Variants in VTCN1 observed in about 807,000 individuals in gnomAD.
VTCN1 encodes the protein V-set domain-containing T-cell activation inhibitor 1.
A neutral mutation model predicts 26.5 loss-of-function variants in VTCN1; 26 were observed. That is an observed-to-expected ratio of 0.98 (90% CI 0.72 to 1.36). The LOEUF is 1.36. Among genes scored for constraint, VTCN1 ranks in the 40% most tolerant of loss-of-function variants. The probability of loss-of-function intolerance (pLI) is 0.00; values close to 1 mark genes in which losing one functional copy is unlikely to be tolerated. For synonymous variants in VTCN1, 116 were observed against 130.7 expected (o/e 0.89, Z 0.77); for missense variants, 298 against 337.7 (o/e 0.88, Z 0.92).
At chr1:117,164,178 A>G (rs1652498189) in intron 2 of VTCN1, among the ~76,000 whole-genome samples, 2 of 152,184 alleles carry the variant, frequency 1.3e-5, no homozygotes, top group African/African-American at 4.8e-5. Context: ...CAGCAGGCAA[A>G]GAGCCAGAAA....
chr1:117,199,047 G>T (rs914797019), intron 1 of VTCN1, among the ~76,000 whole-genome samples: 8 of 152,152 alleles, frequency 5.3e-5, no homozygotes, highest in Non-Finnish European at 1.2e-4. Flanking sequence ...GGTGGGAGAA[G>T]GCCCTAGATG....
chr1:117,197,025 A>C (rs1648546042), intron 1 of VTCN1, among the ~76,000 whole-genome samples: 1 of 152,168 alleles, frequency 6.6e-6, no homozygotes, highest in East Asian at 1.9e-4. Context: ...TTAAGGGTAG[A>C]AAATTGTGAA....
rs114667304 is a variant in VTCN1 at position 117,167,445 on chromosome 1, T to A, written c.97+2662A>T. 5.9e-5 allele frequency among the ~76,000 whole-genome samples: 9 copies of A among 152,210 alleles called. No homozygotes were observed. The highest frequency in any genetic ancestry group is 1.0e-4 in the Non-Finnish European group (7 of 68,036). On this transcript the variant is annotated intron_variant, in intron 2 of 5. Coordinates refer to ENST00000369458, the MANE Select transcript of VTCN1 (RefSeq NM_024626.4). This position sits in a 1 kb window ranked among gnomAD's most constrained non-coding sequence, Gnocchi z 4.1. The stretch of plus-strand genomic sequence containing the variant: ...TGCCTGTTTTTGAACTTCATATGCA[T>A]AGAATCATACAGAACTTACTCTTTT...
At position 117,146,771 on chromosome 1, in the gene VTCN1, G is replaced by A. The variant is rs1651529562; in HGVS notation, c.*45+842C>T. On this transcript the variant is annotated intron_variant, in intron 5 of 5. Transcript: ENST00000369458. The surrounding 1 kb of genome is among the most constrained non-coding windows in gnomAD (Gnocchi z 4.2). ...GCCCAGAGAGTCACTTTAGGCTCTGGAGCAAAGGAAGGCTATGATGAAATC... is the reference window on the plus strand; with the variant it reads ...GCCCAGAGAGTCACTTTAGGCTCTGAAGCAAAGGAAGGCTATGATGAAATC... Among the ~76,000 whole-genome samples the A allele has an allele frequency of 6.6e-6, 1 of 152,136 alleles. No individual in the cohort carries two copies. Among genetic ancestry groups the A allele is most frequent in the Non-Finnish European group, 1.5e-5 (1 of 68,018 alleles).
intron 1 of VTCN1, among the ~76,000 whole-genome samples, chr1:117,204,304 C>T (rs1178715560): frequency 2.6e-5 from 4 of 152,066 alleles, no homozygotes; most frequent in Non-Finnish European, 5.9e-5. Flanking sequence ...TTATTAATGC[C>T]CAATTTACTG....
At position 117,167,076 on chromosome 1, in the gene VTCN1, G is replaced by A. The variant is rs1202443028; in HGVS notation, c.97+3031C>T. ...CCACTGTACTCCAGCCTGAGCGACA[G>A]AGCAAGACTGTCTCAAAAAAAAAAA... On this transcript the variant is annotated intron_variant, in intron 2 of 5. Coordinates refer to ENST00000369458, the MANE Select transcript of VTCN1 (RefSeq NM_024626.4). The surrounding 1 kb of genome is among the most constrained non-coding windows in gnomAD (Gnocchi z 4.1). Among the ~76,000 whole-genome samples, 3 of 140,070 alleles carry A rather than the reference G, an allele frequency of 2.1e-5. No homozygotes were observed. In the East Asian group the frequency reaches 5.9e-4, roughly 28 times the overall value. 91.9% of individuals were successfully genotyped at this position (140,070 alleles called of 152,430 possible).
At chr1:117,151,370 G>C (rs981590408) in intron 4 of VTCN1, among the ~76,000 whole-genome samples, 1 of 152,176 alleles carries the variant, frequency 6.6e-6, no homozygotes, top group African/African-American at 2.4e-5. Flanking sequence ...GAGAGTCACA[G>C]CTCTTAAAGC....
intron 2 of VTCN1, among the ~76,000 whole-genome samples, chr1:117,163,095 G>A (rs1244453222): frequency 6.6e-6 from 1 of 152,232 alleles, no homozygotes; most frequent in Non-Finnish European, 1.5e-5. Context: ...GGTCAAACCT[G>A]TGAGTGTCAC....
At chr1:117,153,577 C>A (rs12092698) in intron 3 of VTCN1, among the ~76,000 whole-genome samples, 9,424 of 150,700 alleles carry the variant, frequency 0.063, 818 homozygotes, top group African/African-American at 0.19. Context: ...TATTGCTATA[C>A]ATCACAACCC....
chr1:117,157,448 T>TG (rs955575650), intron 2 of VTCN1, among the ~76,000 whole-genome samples: 9 of 152,072 alleles, frequency 5.9e-5, no homozygotes, highest in Admixed American at 5.9e-4. Context: ...TACATGGTGG[T>TG]GGCAAGAGAA....
chr1:117,187,087 G>A (rs1476304615), intron 1 of VTCN1, among the ~76,000 whole-genome samples: 1 of 151,974 alleles, frequency 6.6e-6, no homozygotes, highest in African/African-American at 2.4e-5. Flanking sequence ...AGGAGTTCAA[G>A]ACCAGCCTGG....
intron 1 of VTCN1, among the ~76,000 whole-genome samples, chr1:117,184,558 G>C (rs1647839635): frequency 6.6e-6 from 1 of 152,120 alleles, no homozygotes; most frequent in South Asian, 2.1e-4. Flanking sequence ...ATGCTGGCTG[G>C]TAGGGGTGTC....
rs1652775359 is a variant in VTCN1 at position 117,169,324 on chromosome 1, T to G, written c.97+783A>C. Among the ~76,000 whole-genome samples, 4 of 152,226 alleles carry G rather than the reference T, an allele frequency of 2.6e-5. No individual in the cohort carries two copies. Among genetic ancestry groups the G allele is most frequent in the Admixed American group, 2.6e-4 (4 of 15,282 alleles). On this transcript the variant is annotated intron_variant, in intron 2 of 5. Transcript: ENST00000369458. The surrounding 1 kb of genome is among the most constrained non-coding windows in gnomAD (Gnocchi z 4.0). ...TAACCATCTGTGCTACAGCGGTATC[T>G]GTTTCCTACATGGTACAGTAGTCAT...
At position 117,147,764 on chromosome 1, in the gene VTCN1, C is replaced by A; in HGVS notation, c.743G>T (p.Arg248Leu). 1 of 1,613,366 alleles carries A rather than the reference C, an allele frequency of 6.2e-7. No homozygotes were observed. The change falls in exon 5 of 6, where the codon CGG becomes CTG. Residue 248 changes from arginine to leucine, a missense_variant. Coordinates refer to ENST00000369458, the MANE Select transcript of VTCN1 (RefSeq NM_024626.4). This position sits in a 1 kb window ranked among gnomAD's most constrained non-coding sequence, Gnocchi z 4.6. ...TGAGTTTAGCAGCTGTAGGTGACTCCGCCTTTTGATCTCCGATTCTGTGAA... is the reference window on the plus strand; with the variant it reads ...TGAGTTTAGCAGCTGTAGGTGACTCAGCCTTTTGATCTCCGATTCTGTGAA... ...IKVTESEIKR[R>L]SHLQLLNSKA... is the part of the protein sequence containing the mutation.
intron 1 of VTCN1, among the ~76,000 whole-genome samples, chr1:117,176,235 G>A (rs1203029988): frequency 6.6e-6 from 1 of 152,198 alleles, no homozygotes; most frequent in African/African-American, 2.4e-5. Context: ...TTACATGTGG[G>A]GAAACTGAGG....
intron 1 of VTCN1, among the ~76,000 whole-genome samples, chr1:117,188,746 T>A (rs1056620437): frequency 2.0e-5 from 3 of 152,324 alleles, no homozygotes. Flanking sequence ...AGCCCATTTT[T>A]TCCCCCAAGA....
Position 117,169,971 on chromosome 1 carries a change from G to C in VTCN1, c.97+136C>G, listed in dbSNP as rs1652814245. The C allele has an allele frequency of 4.0e-6, 3 of 741,714 alleles. No homozygotes were observed. The highest frequency in any genetic ancestry group is 4.7e-6 in the Non-Finnish European group (2 of 429,176). The allele number at this position is 741,714 out of a possible 1,614,324, so 45.9% of individuals were successfully genotyped here. A position where few individuals can be genotyped will look rare whatever the true frequency, so the allele number is the denominator to read the frequency against. ...ACTGACTAATGTAGAGAAAGCACAA[G>C]AAGTAGAAGAATGAATGCTATACTC... is the stretch of plus-strand genomic sequence containing the variant. On this transcript the variant is annotated intron_variant, in intron 2 of 5. Coordinates refer to ENST00000369458, the MANE Select transcript of VTCN1 (RefSeq NM_024626.4). The surrounding 1 kb of genome is among the most constrained non-coding windows in gnomAD (Gnocchi z 4.0).
At chr1:117,186,567 A>G (rs1245626091) in intron 1 of VTCN1, among the ~76,000 whole-genome samples, 1 of 152,214 alleles carries the variant, frequency 6.6e-6, no homozygotes, top group East Asian at 1.9e-4. Flanking sequence ...AGTGAAATGA[A>G]CTAGTTATTG....
chr1:117,175,418 G>A lies in VTCN1; in HGVS notation c.33-5247C>T, dbSNP rs2101537413. On this transcript the variant is annotated intron_variant, in intron 1 of 5. Transcript: ENST00000369458. This position sits in a 1 kb window ranked among gnomAD's most constrained non-coding sequence, Gnocchi z 4.2. ...CCGGCGTGGTCGCTGTGAAGCGGAT[G>A]TGCAGCCTAGGACACGCAAGGGTAG... Among the ~76,000 whole-genome samples the A allele has an allele frequency of 6.6e-6, 1 of 152,342 alleles. No individual in the cohort carries two copies. The highest frequency in any genetic ancestry group is 2.1e-4 in the South Asian group (1 of 4,828).
Sources: allele counts gnomAD v4.1 joint callset (sites outside exome capture counted in the v4.1 genomes callset), GRCh38; gene constraint gnomAD v4.1.1; non-coding constraint Gnocchi (gnomAD v3.1); transcripts MANE v1.5; gene names NCBI Gene and HGNC (gene_info 2026-07-23, HGNC 2026-07-21).